Variants in CDH18 observed in about 807,000 individuals in gnomAD.
The protein encoded by CDH18 is cadherin 18.
Under a neutral mutation model 67.9 loss-of-function variants are expected in CDH18, and 31 were observed. The observed-to-expected ratio is 0.46, with a 90% confidence interval of 0.34 to 0.62. The LOEUF (loss-of-function observed/expected upper bound fraction) is 0.62. CDH18 is among the 20% of genes least tolerant of loss of function. The pLI is 0.01. For synonymous variants in CDH18, 362 were observed against 347.2 expected, an observed-to-expected ratio of 1.04 and a Z score of -0.48; for missense variants, 890 against 975.5, an observed-to-expected ratio of 0.91 and a Z score of 1.17.
At chr5:20,351,191 TGC>T (rs55754905) in intron 1 of CDH18, among the ~76,000 whole-genome samples, 21,368 of 148,574 alleles carry the variant, frequency 0.14, 1,777 homozygotes, top group Admixed American at 0.2. Context: ...TGTGTGTGTG[TGC>T]GTGTGTGTTA....
intron 1 of CDH18, among the ~76,000 whole-genome samples, chr5:20,495,376 A>T (rs1753843557): frequency 6.6e-6 from 1 of 152,190 alleles, no homozygotes; most frequent in Non-Finnish European, 1.5e-5. Context: ...GGAGAACGGC[A>T]TTGGCAAAAA....
At chr5:20,159,030 A>T (rs1751772231) in intron 2 of CDH18, 1 of 154,580 alleles carries the variant, frequency 6.5e-6, no homozygotes, top group African/African-American at 2.4e-5. Context: ...TGATGTTTTA[A>T]TTCAACATAG....
rs1403387844 is a variant in CDH18, at chr5:20,140,306, T to A, written c.-518+115138A>T. On this transcript the variant is annotated intron_variant, in intron 2 of 14. Coordinates refer to the CDH18 transcript ENST00000507958. ...ACACATGGTGGGGAACATCACACAC[T>A]GGGACCTGTCATGGGGTTGGGGAGG... 1.1e-4 allele frequency among the ~76,000 whole-genome samples: 17 copies of A among 151,896 alleles called. 1 individual carries two copies.
At chr5:19,542,055 A>C (rs779726906) in intron 9 of CDH18, among the ~76,000 whole-genome samples, 38 of 152,316 alleles carry the variant, frequency 2.5e-4, no homozygotes, top group Middle Eastern at 3.4e-3. Context: ...CTTTAAAAGT[A>C]ATTAGTGAAA....
intron 6 of CDH18, among the ~76,000 whole-genome samples, chr5:19,598,696 TTA>T (rs1483319994): frequency 1.8e-4 from 27 of 152,134 alleles, no homozygotes; most frequent in Admixed American, 3.9e-4. Context: ...CTAAAATTGT[TTA>T]TGTCCATGAA....
chr5:20,172,743 C>A (rs1376842227), intron 2 of CDH18, among the ~76,000 whole-genome samples: 2 of 152,018 alleles, frequency 1.3e-5, no homozygotes, highest in Admixed American at 6.6e-5. Flanking sequence ...GTAATCCCAG[C>A]ACTTTGGGAG....
intron 2 of CDH18, among the ~76,000 whole-genome samples, chr5:20,144,176 G>T (rs1750461774): frequency 6.6e-6 from 1 of 152,012 alleles, no homozygotes; most frequent in African/African-American, 2.4e-5. Flanking sequence ...CCTCTTTGAG[G>T]TTCCAGAGGG....
intron 2 of CDH18, among the ~76,000 whole-genome samples, chr5:20,052,707 T>C (rs1183633166): frequency 2.0e-5 from 3 of 152,106 alleles, no homozygotes; most frequent in African/African-American, 4.8e-5. Flanking sequence ...TCTTATTAAA[T>C]GTATTATTTG....
chr5:19,500,617 C>T (rs1743075752), intron 11 of CDH18, among the ~76,000 whole-genome samples: 1 of 152,196 alleles, frequency 6.6e-6, no homozygotes. Flanking sequence ...AATATTCTAA[C>T]AAAAATTTTA....
intron 2 of CDH18, among the ~76,000 whole-genome samples, chr5:19,932,921 A>G (rs1793859648): frequency 6.6e-6 from 1 of 151,610 alleles, no homozygotes; most frequent in Admixed American, 6.6e-5. Flanking sequence ...AAAAGAATCC[A>G]CATAGTAATT....
At chr5:20,414,970 G>C (rs1299570884) in intron 1 of CDH18, among the ~76,000 whole-genome samples, 1 of 152,122 alleles carries the variant, frequency 6.6e-6, no homozygotes, top group Non-Finnish European at 1.5e-5. Flanking sequence ...ATATAACCCA[G>C]AATCACACTT....
intron 11 of CDH18, among the ~76,000 whole-genome samples, chr5:19,490,400 T>G (rs1311260852): frequency 0.018 from 1,197 of 66,512 alleles, 112 homozygotes; most frequent in African/African-American, 0.059. Context: ...ATCTGTTTTT[T>G]TTTTTTTTTT....
Position 19,838,899 on chromosome 5 carries a change from A to T in CDH18, c.88T>A (p.Ser30Thr). ...QRCYGTAHHSSIKVMRNQTKH... is the reference protein window; with the variant it reads ...QRCYGTAHHSTIKVMRNQTKH... ...GTTTGGTTTCTCATCACCTTGATGGAGCTGTGGTGAGCAGTTCCATAACAC... is the reference window on the plus strand; with the variant it reads ...GTTTGGTTTCTCATCACCTTGATGGTGCTGTGGTGAGCAGTTCCATAACAC... Residue 30 changes from serine (S) to threonine (T), a missense_variant, in exon 3 of 13, where the codon TCC becomes ACC. By Grantham distance (58) the Ser-to-Thr change is moderately conservative. Around this residue, in one of 2 missense-constraint regions of CDH18, gnomAD observed 234 missense variants for 307.4 expected, o/e 0.76. Coordinates refer to ENST00000382275, the MANE Select transcript of CDH18 (RefSeq NM_004934.5). 6.2e-7 allele frequency: 1 copy of T among 1,614,060 alleles called. No homozygotes were observed. Among genetic ancestry groups the T allele is most frequent in the African/African-American group, 1.3e-5 (1 of 75,054 alleles).
At chr5:20,447,209 G>T (rs1371777040) in intron 1 of CDH18, among the ~76,000 whole-genome samples, 2 of 148,728 alleles carry the variant, frequency 1.3e-5, no homozygotes, top group Non-Finnish European at 3.0e-5. Flanking sequence ...TTGTTTATTT[G>T]TTCTTTCTTC....
intron 1 of CDH18, among the ~76,000 whole-genome samples, chr5:20,506,211 G>C (rs1017590018): frequency 3.9e-5 from 6 of 152,126 alleles, no homozygotes; most frequent in African/African-American, 1.4e-4. Context: ...CCGCCTCTTC[G>C]TACCCTTGTA....
intron 5 of CDH18, among the ~76,000 whole-genome samples, chr5:19,626,608 T>C (rs1751592817): frequency 6.6e-6 from 1 of 152,072 alleles, no homozygotes; most frequent in Non-Finnish European, 1.5e-5. Context: ...TTGGTAGCTA[T>C]AGAGTGCCCT....
chr5:19,768,745 T>C (rs562684997), intron 3 of CDH18, among the ~76,000 whole-genome samples: 2 of 152,038 alleles, frequency 1.3e-5, no homozygotes, highest in Non-Finnish European at 1.5e-5. Context: ...TAACAACAAA[T>C]GGCAGCAACA....
At chr5:19,943,775 T>C (rs1250979302) in intron 2 of CDH18, among the ~76,000 whole-genome samples, 2 of 152,038 alleles carry the variant, frequency 1.3e-5, no homozygotes, top group Admixed American at 6.6e-5. Context: ...ATGAAAAAGA[T>C]AGCAAAATAA....
chr5:19,988,682 C>T (rs1195859809), upstream of CDH18, among the ~76,000 whole-genome samples: 1 of 151,938 alleles, frequency 6.6e-6, no homozygotes, highest in Non-Finnish European at 1.5e-5. Flanking sequence ...GGAAATAAGG[C>T]AGGGCAGGCG....
Sources: allele counts gnomAD v4.1 joint callset (sites outside exome capture counted in the v4.1 genomes callset), GRCh38; gene constraint gnomAD v4.1.1; regional missense constraint gnomAD v4.1.1; transcripts MANE v1.5; gene names NCBI Gene and HGNC (gene_info 2026-07-23, HGNC 2026-07-21).